UBR2: variants seen among roughly 807,000 people sequenced by gnomAD.
The protein encoded by UBR2 is E3 ubiquitin-protein ligase UBR2.
Under a neutral mutation model 247.9 loss-of-function variants are expected in UBR2, and 92 were observed. The observed-to-expected ratio is 0.37, with a 90% CI of 0.31 to 0.44. The LOEUF is 0.44. UBR2 is among the 20% of genes least tolerant of loss of function. UBR2 has a pLI of 1.00. For missense variants in UBR2, 1,613 were observed against 2,112.6 expected (o/e 0.76, Z 4.64); for synonymous variants, 672 against 693.5 (o/e 0.97, Z 0.49).
At chr6:42,569,021 A>G (rs1790951011) in intron 1 of UBR2, among the ~76,000 whole-genome samples, 1 of 152,216 alleles carries the variant, frequency 6.6e-6, no homozygotes. Context: ...TTATTGCCAA[A>G]TGACATTCCT....
intron 30 of UBR2, among the ~76,000 whole-genome samples, chr6:42,660,481 C>T (rs760331551): frequency 3.3e-5 from 5 of 152,052 alleles, no homozygotes; most frequent in Admixed American, 6.5e-5. Flanking sequence ...TGTGCTTCAG[C>T]GATACCCAGT....
rs1554250504 is a variant in UBR2 at position 42,614,439 on chromosome 6, C to CGTACATATATACGTATATATGTATGTAT, written c.986-621_986-620insCGTATATATGTATGTATGTACATATATA. Among the ~76,000 whole-genome samples, 142 of 91,988 alleles carry CGTACATATATACGTATATATGTATGTAT rather than the reference C, an allele frequency of 1.5e-3. 16 individuals are homozygous for CGTACATATATACGTATATATGTATGTAT. Among genetic ancestry groups the CGTACATATATACGTATATATGTATGTAT allele is most frequent in the South Asian group, 5.9e-3 (17 of 2,880 alleles). 60.3% of individuals were successfully genotyped at this position (91,988 alleles called of 152,430 possible). On this transcript the variant is annotated intron_variant, in intron 8 of 46. Transcript: ENST00000372901. ...ACGTACGTACATATATATGTATGTA[C>CGTACATATATACGTATATATGTATGTAT]GTACATATATATGTATGGAACAAAT...
At chr6:42,638,694 A>T (rs1338151283) in intron 15 of UBR2, among the ~76,000 whole-genome samples, 1 of 152,194 alleles carries the variant, frequency 6.6e-6, no homozygotes, top group African/African-American at 2.4e-5. Flanking sequence ...CAAGAAAGTG[A>T]GGCATGCGTG....
intron 2 of UBR2, 92 bp downstream of exon 2, chr6:42,574,085 G>A (rs964356596): frequency 2.4e-6 from 3 of 1,267,522 alleles, no homozygotes; most frequent in Admixed American, 5.7e-5. Context: ...TAAAAATTAT[G>A]AAATACCATA....
intron 15 of UBR2, among the ~76,000 whole-genome samples, chr6:42,639,604 G>A (rs1796301593): frequency 6.6e-6 from 1 of 152,122 alleles, no homozygotes; most frequent in South Asian, 2.1e-4. Context: ...AAGTTCTGGG[G>A]AACTTAATTC....
chr6:42,609,231 A>G (rs1793909050), intron 7 of UBR2, among the ~76,000 whole-genome samples: 2 of 152,238 alleles, frequency 1.3e-5, no homozygotes, highest in Non-Finnish European at 2.9e-5. Context: ...TAGAAATACA[A>G]GTACCAGTAA....
intron 44 of UBR2, among the ~76,000 whole-genome samples, chr6:42,685,793 C>T (rs901138441): frequency 1.3e-5 from 2 of 151,894 alleles, no homozygotes; most frequent in Non-Finnish European, 2.9e-5. Context: ...GGGAGTATCA[C>T]TCGAGCCCAG....
intron 5 of UBR2, among the ~76,000 whole-genome samples, chr6:42,605,134 C>T (rs765970578): frequency 2.6e-5 from 4 of 152,172 alleles, no homozygotes; most frequent in Non-Finnish European, 2.9e-5. Context: ...CCTTGTGCTC[C>T]ATCTCCCAGT....
chr6:42,586,736 G>A (rs909190549), intron 2 of UBR2, among the ~76,000 whole-genome samples: 18 of 150,110 alleles, frequency 1.2e-4, no homozygotes, highest in African/African-American at 4.2e-4. Context: ...TTACTACTTC[G>A]TGTAAAATAA....
At position 42,612,274 on chromosome 6, in the gene UBR2, GTAT is replaced by G; in HGVS notation, c.973_975del (p.Ile325del). On this transcript the variant is annotated inframe_deletion, in exon 8 of 47. Transcript: ENST00000372901. ...TTGAAACTTTTGTCTTGGCTGGGAA[GTAT>G]TATTGGATATTCAGGTAGGTTCATA... The G allele has an allele frequency of 1.3e-6, 2 of 1,519,824 alleles. No homozygotes were observed. The highest frequency in any genetic ancestry group is 1.8e-6 in the Non-Finnish European group (2 of 1,114,930). 94.1% of individuals were successfully genotyped at this position (1,519,824 alleles called of 1,614,324 possible).
chr6:42,585,145 A>T (rs113694274), intron 2 of UBR2, among the ~76,000 whole-genome samples: 3,320 of 152,220 alleles, frequency 0.022, 111 homozygotes, highest in African/African-American at 0.075. Context: ...CTAGGTTTTT[A>T]AAAAAATCAT....
intron 11 of UBR2, chr6:42,619,451 A>AATTTTTTTTTTTTT (rs1554251924): frequency 4.3e-5 from 1 of 22,998 alleles, no homozygotes; most frequent in African/African-American, 1.1e-4. Context: ...ATATATATAT[A>AATTTTTTTTTTTTT]TATTTTTTTT....
intron 2 of UBR2, among the ~76,000 whole-genome samples, chr6:42,575,200 TAACTTTTTCCTTTA>T (rs1421499250): frequency 6.6e-6 from 1 of 152,330 alleles, no homozygotes; most frequent in East Asian, 1.9e-4. Flanking sequence ...AGACATTATT[TAACTTTTTCCTTTA>T]AACTTTTTCC....
intron 25 of UBR2, among the ~76,000 whole-genome samples, chr6:42,654,813 G>C (rs1401085870): frequency 6.6e-6 from 1 of 152,202 alleles, no homozygotes; most frequent in Non-Finnish European, 1.5e-5. Flanking sequence ...AATATTTTGT[G>C]AGATACACTG....
At chr6:42,608,484 G>A (rs1480471328) in intron 7 of UBR2, among the ~76,000 whole-genome samples, 1 of 152,090 alleles carries the variant, frequency 6.6e-6, no homozygotes, top group African/African-American at 2.4e-5. Context: ...TAAAAAATTA[G>A]CCAGGAATGA....
At chr6:42,647,685 G>A (rs1796858411) in intron 21 of UBR2, among the ~76,000 whole-genome samples, 1 of 152,002 alleles carries the variant, frequency 6.6e-6, no homozygotes, top group Admixed American at 6.6e-5. Context: ...ATATCTTATC[G>A]TGAATGAGAT....
chr6:42,652,381 A>T, intron 24 of UBR2, 110 bp from the exon 25 acceptor site: 6 of 1,249,968 alleles, frequency 4.8e-6, no homozygotes, highest in Non-Finnish European at 6.6e-6. Flanking sequence ...AATAGCTTTA[A>T]GGTGTGTGTT....
At chr6:42,663,510 C>T (rs907873940) in intron 32 of UBR2, 91 bp downstream of exon 32, 1 of 1,312,888 alleles carries the variant, frequency 7.6e-7, no homozygotes, top group Non-Finnish European at 1.0e-6. Context: ...TTAGTCTAGG[C>T]AATTGCATAG....
chr6:42,632,956 C>CT (rs1562335042), intron 13 of UBR2, 52 bp downstream of exon 13: 34 of 929,772 alleles, frequency 3.7e-5, no homozygotes, highest in South Asian at 1.1e-4. Flanking sequence ...TTTCTCTTTT[C>CT]TCTTTTTTTT....
Sources: gnomAD v4.1 joint callset for allele counts (sites outside exome capture counted in the v4.1 genomes callset) on GRCh38, gnomAD v4.1.1 for gene constraint, MANE v1.5 for transcripts, NCBI Gene and HGNC (gene_info 2026-07-23, HGNC 2026-07-21) for gene names.